Variants in GNA14 observed in about 807,000 individuals in gnomAD.
The protein encoded by GNA14 is guanine nucleotide-binding protein subunit alpha-14.
A neutral mutation model predicts 42.0 loss-of-function variants in GNA14; 50 were observed. That is an observed-to-expected ratio of 1.19 (90% CI 0.95 to 1.51). The LOEUF is 1.51. GNA14 is among the 40% of genes most tolerant of loss of function. The pLI, the probability that GNA14 is intolerant of heterozygous loss-of-function variation, is 0.00. For synonymous variants in GNA14, 173 were observed against 163.1 expected, an observed-to-expected ratio of 1.06 and a Z score of -0.46; for missense variants, 473 against 446.2, an observed-to-expected ratio of 1.06 and a Z score of -0.54.
intron 1 of GNA14, among the ~76,000 whole-genome samples, chr9:77,624,041 C>T (rs555510477): frequency 5.3e-4 from 81 of 152,276 alleles, no homozygotes; most frequent in African/African-American, 1.4e-3. Flanking sequence ...GCCACTAGCA[C>T]AGCAGTCTGA....
intron 2 of GNA14, among the ~76,000 whole-genome samples, chr9:77,436,692 G>A (rs1384650947): frequency 6.6e-6 from 1 of 152,164 alleles, no homozygotes; most frequent in Non-Finnish European, 1.5e-5. Flanking sequence ...TAAAATGTCT[G>A]TTTTCCTCTC....
At chr9:77,468,562 T>C (rs1836276022) in intron 2 of GNA14, among the ~76,000 whole-genome samples, 1 of 152,214 alleles carries the variant, frequency 6.6e-6, no homozygotes, top group African/African-American at 2.4e-5. Flanking sequence ...TTCAAGACTT[T>C]CTCTCTTTCC....
chr9:77,613,732 C>T (rs943421407), intron 1 of GNA14, among the ~76,000 whole-genome samples: 4 of 152,178 alleles, frequency 2.6e-5, no homozygotes, highest in African/African-American at 9.6e-5. Context: ...TAAAAAGACT[C>T]ATTTATTCAT....
chr9:77,532,228 G>T (rs1389730434), intron 1 of GNA14, among the ~76,000 whole-genome samples: 1 of 152,122 alleles, frequency 6.6e-6, no homozygotes, highest in East Asian at 1.9e-4. Flanking sequence ...GGTTTATGTT[G>T]GTGTATGCAC....
intron 1 of GNA14, among the ~76,000 whole-genome samples, chr9:77,599,370 G>T (rs188580459): frequency 6.6e-5 from 10 of 152,302 alleles, no homozygotes; most frequent in African/African-American, 1.9e-4. Context: ...TTGAATAGGG[G>T]GAAGGAGAAT....
intron 1 of GNA14, among the ~76,000 whole-genome samples, chr9:77,585,502 T>C (rs1037658657): frequency 2.6e-5 from 4 of 152,180 alleles, no homozygotes. Context: ...TTACCATGCT[T>C]TTCCTGGGTA....
chr9:77,500,944 G>A (rs972019647), intron 2 of GNA14, among the ~76,000 whole-genome samples: 4 of 151,856 alleles, frequency 2.6e-5, no homozygotes, highest in African/African-American at 9.7e-5. Flanking sequence ...TAGCTGGGTT[G>A]TATGGTAGTT....
chr9:77,475,095 G>C (rs1836395681), intron 2 of GNA14, among the ~76,000 whole-genome samples: 2 of 151,802 alleles, frequency 1.3e-5, no homozygotes, highest in African/African-American at 4.9e-5. Flanking sequence ...GCAGCTGTTT[G>C]TGTTGAAACA....
intron 1 of GNA14, among the ~76,000 whole-genome samples, chr9:77,548,529 T>C (rs1413177787): frequency 2.6e-5 from 4 of 152,284 alleles, no homozygotes; most frequent in Middle Eastern, 3.4e-3. Flanking sequence ...AAATTGGACA[T>C]AATAAAGTTC....
chr9:77,493,188 T>C (rs1486039462), intron 2 of GNA14, among the ~76,000 whole-genome samples: 1 of 151,506 alleles, frequency 6.6e-6, no homozygotes, highest in East Asian at 1.9e-4. Flanking sequence ...GGTGAAGGAC[T>C]GTAAGCCCAC....
chr9:77,535,698 T>G lies in GNA14; in HGVS notation c.125-6445A>C, dbSNP rs534664474. Among the ~76,000 whole-genome samples the G allele has an allele frequency of 1.2e-4, 19 of 152,202 alleles. 1 individual carries two copies. The South Asian group carries it at 3.9e-3, about 32-fold the overall frequency. ...TAAAAATGCAGATTCTTGGGCCCCT[T>G]GTCAGGTCTAATAATTTTGACAGAT... On this transcript the variant is annotated intron_variant, in intron 1 of 6. Coordinates refer to ENST00000341700, the MANE Select transcript of GNA14 (RefSeq NM_004297.4).
chr9:77,495,662 T>C (rs2131739549), intron 2 of GNA14, among the ~76,000 whole-genome samples: 1 of 152,282 alleles, frequency 6.6e-6, no homozygotes, highest in Admixed American at 6.5e-5. Flanking sequence ...TTCTCTAAAG[T>C]TTACTGTATG....
At chr9:77,504,385 T>C (rs183210816) in intron 2 of GNA14, among the ~76,000 whole-genome samples, 68 of 152,162 alleles carry the variant, frequency 4.5e-4, no homozygotes, top group African/African-American at 1.5e-3. Context: ...CAGGGCAAGC[T>C]CATAACACCA....
chr9:77,561,110 T>C (rs1003182266), intron 1 of GNA14, among the ~76,000 whole-genome samples: 1 of 152,194 alleles, frequency 6.6e-6, no homozygotes, highest in African/African-American at 2.4e-5. Flanking sequence ...GGCTTTTATA[T>C]AGGAATTGAA....
chr9:77,581,002 GCACACACACACACA>G (rs3052394), intron 1 of GNA14, among the ~76,000 whole-genome samples: 15 of 144,398 alleles, frequency 1.0e-4, no homozygotes, highest in African/African-American at 2.3e-4. Context: ...TACAATAAAG[GCACACACACACACA>G]CACACACACA....
chr9:77,552,898 A>G (rs1269156053), intron 1 of GNA14, among the ~76,000 whole-genome samples: 1 of 152,212 alleles, frequency 6.6e-6, no homozygotes, highest in Non-Finnish European at 1.5e-5. Flanking sequence ...TGTGCCAACC[A>G]ACAGAACACT....
intron 1 of GNA14, among the ~76,000 whole-genome samples, chr9:77,590,204 A>C (rs1044739234): frequency 1.6e-4 from 24 of 152,168 alleles, no homozygotes; most frequent in Non-Finnish European, 3.2e-4. Flanking sequence ...GGCATGAGCC[A>C]CCGCACCCGG....
intron 1 of GNA14, chr9:77,635,201 C>CA (rs1824163697): frequency 6.6e-6 from 1 of 152,002 alleles, no homozygotes; most frequent in Non-Finnish European, 1.5e-5. Context: ...TCCCAAAAAT[C>CA]AAAAAATATG....
chr9:77,423,788 G>C lies in GNA14; in HGVS notation c.*191C>G, dbSNP rs1410201322. 1 of 375,926 alleles carries C rather than the reference G, an allele frequency of 2.7e-6. No homozygotes were observed. The highest frequency in any genetic ancestry group is 2.1e-5 in the African/African-American group (1 of 48,042). 23.3% of individuals were successfully genotyped at this position (375,926 alleles called of 1,614,324 possible). On this transcript the variant is annotated 3_prime_UTR_variant, in exon 7 of 7. Transcript: ENST00000341700. Reference sequence around the variant, plus strand: ...ATTATAAACACAATTTGGGATGTAAGGACTTTTAAAGTATGTTGGTAAACT... The same window carrying C: ...ATTATAAACACAATTTGGGATGTAACGACTTTTAAAGTATGTTGGTAAACT...
Sources: allele counts gnomAD v4.1 joint callset (sites outside exome capture counted in the v4.1 genomes callset), GRCh38; gene constraint gnomAD v4.1.1; transcripts MANE v1.5; gene names NCBI Gene and HGNC (gene_info 2026-07-23, HGNC 2026-07-21).